The following CADPS2 variants were observed in gnomAD, a reference collection of about 807,000 sequenced individuals.
The protein encoded by CADPS2 is calcium dependent secretion activator 2.
A neutral mutation model predicts 172.5 loss-of-function variants in CADPS2; 93 were observed. The ratio of observed to expected loss-of-function variants is 0.54; its 90% CI spans 0.46 to 0.64. CADPS2 has a LOEUF of 0.64. Ranked by LOEUF, CADPS2 falls within the 30% of genes least tolerant of loss-of-function variation. The pLI, the probability that CADPS2 is intolerant of heterozygous loss-of-function variation, is 0.00. For synonymous variants in CADPS2, 546 were observed against 555.2 expected (o/e 0.98, Z 0.23); for missense variants, 1,420 against 1,565.9 (o/e 0.91, Z 1.57).
chr7:122,795,176 T>C (rs551210673), intron 1 of CADPS2, among the ~76,000 whole-genome samples: 1 of 151,096 alleles, frequency 6.6e-6, no homozygotes, highest in East Asian at 1.9e-4. Context: ...GATCAACAAA[T>C]CCAGGAGCAA....
intron 8 of CADPS2, 59 bp from the exon 9 acceptor site, chr7:122,513,374 T>C: frequency 3.1e-6 from 4 of 1,294,454 alleles, no homozygotes; most frequent in Non-Finnish European, 4.3e-6. Flanking sequence ...TGCTTCCATG[T>C]AATCACATTT....
intron 12 of CADPS2, among the ~76,000 whole-genome samples, chr7:122,477,067 A>AGAGAGG (rs1336845433): frequency 6.8e-6 from 1 of 146,324 alleles, no homozygotes; most frequent in East Asian, 2.0e-4. Flanking sequence ...AGAGAGAGAG[A>AGAGAGG]GAGAGAGAGA....
intron 1 of CADPS2, among the ~76,000 whole-genome samples, chr7:122,835,797 G>C (rs188981805): frequency 6.6e-6 from 1 of 152,178 alleles, no homozygotes; most frequent in South Asian, 2.1e-4. Context: ...CCAAACCTAT[G>C]TCTGATTGGT....
At chr7:122,665,719 G>T (rs2081122601) in intron 2 of CADPS2, among the ~76,000 whole-genome samples, 1 of 152,124 alleles carries the variant, frequency 6.6e-6, no homozygotes, top group Non-Finnish European at 1.5e-5. Context: ...TATCACTTTT[G>T]TACCATTGTA....
rs5887109 is a variant in CADPS2 at position 122,651,260 on chromosome 7, GAA to G, written c.786+11975_786+11976del. Among the ~76,000 whole-genome samples the G allele has an allele frequency of 1.3e-3, 180 of 143,600 alleles. 1 individual carries two copies. The highest frequency in any genetic ancestry group is 0.011 in the Middle Eastern group (3 of 280). The allele number at this position is 143,600 out of a possible 152,430, so 94.2% of individuals were successfully genotyped here. ...ATTATCAATCACAGGCTACTAGTTG[GAA>G]AAAAAAAAAAAAAGAAGACAGTGGT... On this transcript the variant is annotated intron_variant, in intron 3 of 29. Transcript: ENST00000449022.
chr7:122,355,886 A>G (rs966543898), intron 27 of CADPS2, among the ~76,000 whole-genome samples: 3 of 152,220 alleles, frequency 2.0e-5, no homozygotes, highest in Non-Finnish European at 4.4e-5. Context: ...AATTAACAGT[A>G]AGGTATTATT....
intron 1 of CADPS2, among the ~76,000 whole-genome samples, chr7:122,869,858 G>A (rs1024010387): frequency 3.3e-5 from 5 of 152,042 alleles, no homozygotes; most frequent in Admixed American, 6.6e-5. Context: ...TAGAGTTTGT[G>A]CAAGCGATCA....
At chr7:122,698,488 T>G (rs2085495254) in intron 2 of CADPS2, 1 of 1,613,858 alleles carries the variant, frequency 6.2e-7, no homozygotes, top group African/African-American at 1.3e-5. Flanking sequence ...AAATGCCTGA[T>G]GAAACATGGG....
At chr7:122,732,373 T>C (rs1219731755) in intron 2 of CADPS2, among the ~76,000 whole-genome samples, 8 of 151,186 alleles carry the variant, frequency 5.3e-5, no homozygotes, top group African/African-American at 1.9e-4. Flanking sequence ...CTATAGACTA[T>C]ATAGACCTAC....
intron 8 of CADPS2, among the ~76,000 whole-genome samples, chr7:122,535,244 G>A (rs2062140137): frequency 6.6e-6 from 1 of 152,022 alleles, no homozygotes; most frequent in East Asian, 1.9e-4. Context: ...AGACAAGTGA[G>A]TTCAAATCAT....
rs1334353028 is a variant in CADPS2, at chr7:122,698,025, A to T, written c.454-34456T>A. 4 of 1,613,342 alleles carry T rather than the reference A, an allele frequency of 2.5e-6. No individual in the cohort carries two copies. In the East Asian group the frequency reaches 6.7e-5, roughly 27 times the overall value. On this transcript the variant is annotated intron_variant, in intron 2 of 29. Transcript: ENST00000449022. ...GAATCCCCAAAACTTTAAGAATATCACATTTGCAAATGGGGCATGTCCCAT... is the reference window on the plus strand; with the variant it reads ...GAATCCCCAAAACTTTAAGAATATCTCATTTGCAAATGGGGCATGTCCCAT...
chr7:122,534,166 T>G (rs1281420414), intron 8 of CADPS2, among the ~76,000 whole-genome samples: 1 of 152,164 alleles, frequency 6.6e-6, no homozygotes, highest in Non-Finnish European at 1.5e-5. Context: ...TGCACCTGAA[T>G]TCTTTTAAAA....
chr7:122,656,888 C>T lies in CADPS2; in HGVS notation c.786+6349G>A, dbSNP rs189148113. On this transcript the variant is annotated intron_variant, in intron 3 of 29. Transcript: ENST00000449022. ...TTAGACATGAAGTCCTTGCCCATGCCTATGTCCTGAATGGTATTGCCTAGG... is the reference window on the plus strand; with the variant it reads ...TTAGACATGAAGTCCTTGCCCATGCTTATGTCCTGAATGGTATTGCCTAGG... 2.2e-3 allele frequency among the ~76,000 whole-genome samples: 332 copies of T among 152,322 alleles called. 2 individuals are homozygous for T. Among genetic ancestry groups the T allele is most frequent in the African/African-American group, 7.6e-3 (318 of 41,586 alleles).
At chr7:122,568,515 C>T (rs1259125969) in intron 7 of CADPS2, among the ~76,000 whole-genome samples, 1 of 151,924 alleles carries the variant, frequency 6.6e-6, no homozygotes, top group Non-Finnish European at 1.5e-5. Context: ...CACCAAAGAG[C>T]TCAATGGGAC....
chr7:122,693,909 A>C (rs1411045437), intron 2 of CADPS2, among the ~76,000 whole-genome samples: 2 of 152,238 alleles, frequency 1.3e-5, no homozygotes, highest in African/African-American at 4.8e-5. Context: ...GTTTGCAGTA[A>C]GCCAAGATCG....
intron 3 of CADPS2, among the ~76,000 whole-genome samples, chr7:122,633,905 T>C (rs1348754237): frequency 2.6e-5 from 4 of 152,148 alleles, no homozygotes; most frequent in African/African-American, 9.7e-5. Context: ...TAAAGGAAAA[T>C]TGGACTTTAT....
intron 22 of CADPS2, among the ~76,000 whole-genome samples, chr7:122,389,898 TA>T (rs938523890): frequency 3.3e-5 from 5 of 151,270 alleles, no homozygotes; most frequent in Admixed American, 6.6e-5. Flanking sequence ...AAAGTAAAAT[TA>T]AAAAAAAATA....
At chr7:122,547,475 C>A (rs985444203) in intron 8 of CADPS2, among the ~76,000 whole-genome samples, 1 of 152,116 alleles carries the variant, frequency 6.6e-6, no homozygotes, top group Non-Finnish European at 1.5e-5. Flanking sequence ...CCACTTACAA[C>A]TGTGAGCATA....
chr7:122,472,699 A>G (rs1466351642), intron 13 of CADPS2, among the ~76,000 whole-genome samples: 3 of 152,124 alleles, frequency 2.0e-5, no homozygotes, highest in African/African-American at 7.2e-5. Flanking sequence ...ATTGATGTTC[A>G]CTCTATGTGT....
Sources: allele counts gnomAD v4.1 joint callset (sites outside exome capture counted in the v4.1 genomes callset), GRCh38; gene constraint gnomAD v4.1.1; transcripts MANE v1.5; gene names NCBI Gene and HGNC (gene_info 2026-07-23, HGNC 2026-07-21).